Variants in SLC14A2 observed in about 807,000 individuals in gnomAD.
SLC14A2 encodes urea transporter 2.
A neutral mutation model predicts 104.6 loss-of-function variants in SLC14A2; 91 were observed. That is an observed-to-expected ratio of 0.87 (90% confidence interval 0.73 to 1.04). The LOEUF is 1.04. Among genes scored for constraint, SLC14A2 ranks in the 50% least tolerant of loss-of-function variants. The pLI, the probability that SLC14A2 is intolerant of heterozygous loss-of-function variation, is 0.00. For missense variants in SLC14A2, 1,189 were observed against 1,156.0 expected (o/e 1.03, Z -0.41); for synonymous variants, 476 against 466.4 (o/e 1.02, Z -0.27).
At chr18:45,290,687 T>C (rs1048612245) in intron 1 of SLC14A2, among the ~76,000 whole-genome samples, 1 of 152,216 alleles carries the variant, frequency 6.6e-6, no homozygotes, top group Non-Finnish European at 1.5e-5. Flanking sequence ...ATGTAAACTA[T>C]CTCGCTAATG....
intron 1 of SLC14A2, among the ~76,000 whole-genome samples, chr18:45,396,473 A>G (rs963442767): frequency 1.3e-5 from 2 of 152,104 alleles, no homozygotes; most frequent in Non-Finnish European, 2.9e-5. Flanking sequence ...ACTTGTCAAC[A>G]CATACTTAAA....
intron 2 of SLC14A2, among the ~76,000 whole-genome samples, chr18:45,523,219 C>A (rs867160388): frequency 1.3e-5 from 2 of 152,128 alleles, no homozygotes; most frequent in African/African-American, 4.8e-5. Flanking sequence ...AGCCCCTATG[C>A]TGAGTCTGGA....
intron 2 of SLC14A2, among the ~76,000 whole-genome samples, chr18:45,579,794 AAAC>A (rs1360664694): frequency 4.6e-5 from 7 of 152,234 alleles, no homozygotes; most frequent in Non-Finnish European, 1.0e-4. Context: ...AACTTGTAGA[AAAC>A]AGAAAAAGGG....
chr18:45,408,466 G>C (rs1162678692), intron 1 of SLC14A2, among the ~76,000 whole-genome samples: 1 of 152,146 alleles, frequency 6.6e-6, no homozygotes, highest in Non-Finnish European at 1.5e-5. Context: ...TCCCTGAATA[G>C]AGTACCATGA....
chr18:45,436,732 T>C (rs1217815521), intron 1 of SLC14A2: 1 of 152,088 alleles, frequency 6.6e-6, no homozygotes, highest in African/African-American at 2.4e-5. Context: ...AATAAATAGA[T>C]TGGATAGCTT....
the SLC14A2 span, among the ~76,000 whole-genome samples, chr18:45,201,952 C>G: frequency 6.6e-6 from 1 of 152,032 alleles, no homozygotes; most frequent in Non-Finnish European, 1.5e-5. Context: ...TTCAGACCAC[C>G]CATCTCTTCT....
chr18:45,246,700 G>A lies in SLC14A2; in HGVS notation c.-125+33509G>A, dbSNP rs180975592. 6.0e-3 allele frequency among the ~76,000 whole-genome samples: 906 copies of A among 152,150 alleles called. 1 individual carries two copies. Among genetic ancestry groups the A allele is most frequent in the Non-Finnish European group, 9.9e-3 (672 of 67,994 alleles). ...CAATTCTCTTGCCTCAGCCTCCCAAGTAGCTGGGATTACAGGTGTGTGCCG... is the reference window on the plus strand; with the variant it reads ...CAATTCTCTTGCCTCAGCCTCCCAAATAGCTGGGATTACAGGTGTGTGCCG... On this transcript the variant is annotated intron_variant, in intron 1 of 20. Transcript: ENST00000586448.
At chr18:45,195,717 C>T in the SLC14A2 span, among the ~76,000 whole-genome samples, 3 of 151,960 alleles carry the variant, frequency 2.0e-5, no homozygotes, top group African/African-American at 4.8e-5. Context: ...ATCTGGCATG[C>T]GGGGAAAGTA....
intron 1 of SLC14A2, among the ~76,000 whole-genome samples, chr18:45,394,970 T>C (rs948924437): frequency 6.6e-6 from 1 of 152,192 alleles, no homozygotes; most frequent in Non-Finnish European, 1.5e-5. Context: ...CACTTTTGGG[T>C]ACTTACCAAA....
chr18:45,632,529 C>T (rs764523787), intron 5 of SLC14A2, 51 bp downstream of exon 5: 212 of 1,598,442 alleles, frequency 1.3e-4, no homozygotes, highest in Non-Finnish European at 1.6e-4. Flanking sequence ...CCCCAAGACA[C>T]TTGTGTCTTA....
intron 1 of SLC14A2, among the ~76,000 whole-genome samples, chr18:45,223,607 C>T (rs2084084756): frequency 6.6e-6 from 1 of 152,186 alleles, no homozygotes; most frequent in African/African-American, 2.4e-5. Context: ...CACCCCCTCC[C>T]CTGGCTAGGC....
intron 1 of SLC14A2, among the ~76,000 whole-genome samples, chr18:45,422,205 T>G (rs963392646): frequency 3.3e-5 from 5 of 152,104 alleles, no homozygotes; most frequent in Non-Finnish European, 7.4e-5. Flanking sequence ...AAGAGGACAC[T>G]GGGTACTCTC....
Position 45,228,355 on chromosome 18 carries a change from A to T in SLC14A2, c.-125+15164A>T, listed in dbSNP as rs1348603485. 2.0e-5 allele frequency among the ~76,000 whole-genome samples: 3 copies of T among 152,294 alleles called. 1 individual carries two copies. Among genetic ancestry groups the T allele is most frequent in the South Asian group, 4.1e-4 (2 of 4,834 alleles). ...GAAGGGGAGCTGTTACCACAGGCTT[A>T]GGGGTGGACTGTGGGAGTCCTCCCT... On this transcript the variant is annotated intron_variant, in intron 1 of 20. Transcript: ENST00000586448.
chr18:45,436,249 C>G (rs2086595200), intron 1 of SLC14A2, among the ~76,000 whole-genome samples: 1 of 152,186 alleles, frequency 6.6e-6, no homozygotes, highest in South Asian at 2.1e-4. Flanking sequence ...TAGAGGCAAT[C>G]AGGTCAATGT....
intron 1 of SLC14A2, among the ~76,000 whole-genome samples, chr18:45,236,580 T>TATATAC (rs2084256120): frequency 8.9e-6 from 1 of 112,138 alleles, no homozygotes; most frequent in Non-Finnish European, 1.8e-5. Context: ...TATATATACA[T>TATATAC]ATATATATGG....
chr18:45,379,322 C>T (rs566295461), intron 1 of SLC14A2, among the ~76,000 whole-genome samples: 7 of 152,306 alleles, frequency 4.6e-5, no homozygotes, highest in South Asian at 2.1e-4. Context: ...TTATAAATTC[C>T]GCCCACTGGT....
At chr18:45,431,435 C>G (rs1024614505) in intron 1 of SLC14A2, among the ~76,000 whole-genome samples, 12 of 152,114 alleles carry the variant, frequency 7.9e-5, no homozygotes, top group African/African-American at 2.9e-4. Context: ...TGACACTTAC[C>G]TGGCAGGATT....
the SLC14A2 span, among the ~76,000 whole-genome samples, chr18:45,187,515 A>G: frequency 6.6e-6 from 1 of 152,158 alleles, no homozygotes. Context: ...TCCTTTTAGG[A>G]TGTATAACTA....
At chr18:45,392,506 T>C (rs767783552) in intron 1 of SLC14A2, among the ~76,000 whole-genome samples, 1 of 152,234 alleles carries the variant, frequency 6.6e-6, no homozygotes, top group Non-Finnish European at 1.5e-5. Flanking sequence ...TGTAATAGCA[T>C]ATTTTTAAAA....
Sources: allele counts gnomAD v4.1 joint callset (sites outside exome capture counted in the v4.1 genomes callset), GRCh38; gene constraint gnomAD v4.1.1; transcripts MANE v1.5; gene names NCBI Gene and HGNC (gene_info 2026-07-23, HGNC 2026-07-21).